Variants in UBE2QL1 observed in about 807,000 individuals in gnomAD.
UBE2QL1 encodes ubiquitin-conjugating enzyme E2Q-like protein 1.
Under a neutral mutation model 12.6 loss-of-function variants are expected in UBE2QL1, and 5 were observed. The observed-to-expected ratio is 0.40, with a 90% confidence interval of 0.21 to 0.83. UBE2QL1 has a LOEUF of 0.83. Among genes scored for constraint, UBE2QL1 ranks in the 40% least tolerant of loss-of-function variants. UBE2QL1 has a pLI of 0.37. For missense variants in UBE2QL1, 99 were observed against 222.6 expected (o/e 0.44, Z 3.53); for synonymous variants, 96 against 94.5 (o/e 1.02, Z -0.10).
In UBE2QL1 at chr5:6,495,956, G is replaced by A. The variant is rs1194270512; in HGVS notation, c.*4607G>A. Reference sequence around the variant, plus strand: ...AGGCAAACAAACTCTGTTGACATTCGGGAAAGCAATAAGTAATGTTAGTTT... The same window carrying A: ...AGGCAAACAAACTCTGTTGACATTCAGGAAAGCAATAAGTAATGTTAGTTT... On this transcript the variant is annotated 3_prime_UTR_variant, in exon 2 of 2. Transcript: ENST00000399816. Among the ~76,000 whole-genome samples, 3 of 152,144 alleles carry A rather than the reference G, an allele frequency of 2.0e-5. No homozygotes were observed. Among genetic ancestry groups the A allele is most frequent in the African/African-American group, 4.8e-5 (2 of 41,414 alleles).
At chr5:6,453,598 C>G (rs1311484198) in intron 1 of UBE2QL1, among the ~76,000 whole-genome samples, 1 of 152,206 alleles carries the variant, frequency 6.6e-6, no homozygotes, top group Non-Finnish European at 1.5e-5. Context: ...GTAAAGGGCT[C>G]TGCAGCTCAG....
At chr5:6,461,543 A>ACCCCCCCCCC (rs71953375) in intron 1 of UBE2QL1, among the ~76,000 whole-genome samples, 7 of 42,196 alleles carry the variant, frequency 1.7e-4, no homozygotes, top group African/African-American at 3.0e-4. Context: ...AGCACCCACC[A>ACCCCCCCCCC]CCCCCCCCCG....
intron 1 of UBE2QL1, among the ~76,000 whole-genome samples, chr5:6,470,218 C>T (rs748830020): frequency 4.6e-5 from 7 of 152,166 alleles, no homozygotes; most frequent in Non-Finnish European, 4.4e-5. Context: ...TCCAGGTGAT[C>T]CATGTGTGTC....
At chr5:6,458,906 C>A (rs1480649356) in intron 1 of UBE2QL1, among the ~76,000 whole-genome samples, 1 of 152,028 alleles carries the variant, frequency 6.6e-6, no homozygotes, top group East Asian at 1.9e-4. Context: ...GGAGGCTGTT[C>A]TTTATCAGAG....
chr5:6,482,019 AGAG>A (rs985608250), intron 1 of UBE2QL1, among the ~76,000 whole-genome samples: 1 of 152,180 alleles, frequency 6.6e-6, no homozygotes, highest in African/African-American at 2.4e-5. Flanking sequence ...CATTGAGTTG[AGAG>A]GAGGTCTTGC....
At chr5:6,462,184 A>G (rs979062279) in intron 1 of UBE2QL1, among the ~76,000 whole-genome samples, 2 of 152,062 alleles carry the variant, frequency 1.3e-5, no homozygotes, top group African/African-American at 4.8e-5. Context: ...GACAATCTCA[A>G]CCTAGGACTC....
Position 6,481,372 on chromosome 5 carries a change from A to T in UBE2QL1, c.355-9846A>T, listed in dbSNP as rs272468. Among the ~76,000 whole-genome samples the T allele has an allele frequency of 0.22, 32,768 of 152,120 alleles. 4,125 individuals are homozygous for T. Among genetic ancestry groups the T allele is most frequent in the South Asian group, 0.36 (1,740 of 4,820 alleles). On this transcript the variant is annotated intron_variant, in intron 1 of 1. Coordinates refer to ENST00000399816, the MANE Select transcript of UBE2QL1 (RefSeq NM_001145161.3). The surrounding 1 kb of genome is among the most constrained non-coding windows in gnomAD (Gnocchi z 4.5). ...CGCCAGGTGCTCATTATCCCCATGC[A>T]GGAGGTGAGGGCGGGTAGTGACATG...
chr5:6,489,623 G>C (rs1303543074), intron 1 of UBE2QL1, among the ~76,000 whole-genome samples: 1 of 152,122 alleles, frequency 6.6e-6, no homozygotes, highest in African/African-American at 2.4e-5. Context: ...GCCTAGGTAG[G>C]CTCCGAATAC....
chr5:6,452,709 T>A lies in UBE2QL1; in HGVS notation c.354+3462T>A, dbSNP rs923292292. The stretch of plus-strand genomic sequence containing the variant: ...TAGCTTAACCTACAAAAACTGCATT[T>A]TCGGACTCTGTAAACCTAGACAAAG... On this transcript the variant is annotated intron_variant, in intron 1 of 1. Coordinates refer to ENST00000399816, the MANE Select transcript of UBE2QL1 (RefSeq NM_001145161.3). 4.6e-5 allele frequency among the ~76,000 whole-genome samples: 7 copies of A among 152,204 alleles called. No homozygotes were observed. In the South Asian group the frequency reaches 1.0e-3, roughly 23 times the overall value.
chr5:6,476,729 A>G lies in UBE2QL1; in HGVS notation c.355-14489A>G, dbSNP rs952736825. 2.6e-5 allele frequency among the ~76,000 whole-genome samples: 4 copies of G among 152,180 alleles called. No homozygotes were observed. Among genetic ancestry groups the G allele is most frequent in the East Asian group, 1.9e-4 (1 of 5,198 alleles). ...CTGGAGTGACCTTTGGTCGTATCAC[A>G]TGAGAGATGCCCACTTGCTAATTAA... is the stretch of plus-strand genomic sequence containing the variant. On this transcript the variant is annotated intron_variant, in intron 1 of 1. Coordinates refer to ENST00000399816, the MANE Select transcript of UBE2QL1 (RefSeq NM_001145161.3). This position sits in a 1 kb window ranked among gnomAD's most constrained non-coding sequence, Gnocchi z 4.9.
At chr5:6,484,972 AG>A (rs1053795632) in intron 1 of UBE2QL1, among the ~76,000 whole-genome samples, 1 of 152,034 alleles carries the variant, frequency 6.6e-6, no homozygotes, top group African/African-American at 2.4e-5. Flanking sequence ...ATTCCACAGC[AG>A]GGAGGCTCAC....
At chr5:6,452,295 C>T (rs1264374459) in intron 1 of UBE2QL1, among the ~76,000 whole-genome samples, 1 of 152,110 alleles carries the variant, frequency 6.6e-6, no homozygotes, top group Non-Finnish European at 1.5e-5. Context: ...CCTGTGTTAC[C>T]AAAATCTCTT....
At chr5:6,484,240 G>C (rs562161125) in intron 1 of UBE2QL1, among the ~76,000 whole-genome samples, 9 of 152,274 alleles carry the variant, frequency 5.9e-5, no homozygotes, top group African/African-American at 1.9e-4. Context: ...GGCGTCGGAG[G>C]GGCAGCGAGC....
At chr5:6,454,408 G>A (rs1372732682) in intron 1 of UBE2QL1, among the ~76,000 whole-genome samples, 1 of 152,076 alleles carries the variant, frequency 6.6e-6, no homozygotes, top group East Asian at 1.9e-4. Context: ...GATTGGATTA[G>A]GGCCCATCCT....
Position 6,448,878 on chromosome 5 carries a change from G to A in UBE2QL1, c.-16G>A, listed in dbSNP as rs1463228205. The A allele has an allele frequency of 6.3e-5, 94 of 1,486,780 alleles. No homozygotes were observed. The highest frequency in any genetic ancestry group is 8.7e-5 in the Admixed American group (4 of 45,872). The allele number at this position is 1,486,780 out of a possible 1,614,324, so 92.1% of individuals were successfully genotyped here. A position where few individuals can be genotyped will look rare whatever the true frequency, so the allele number is the denominator to read the frequency against. On this transcript the variant is annotated 5_prime_UTR_variant, in exon 1 of 2. Transcript: ENST00000399816. Reference sequence around the variant, plus strand: ...CGCGCCAGCAACACTGCACGCAGGTGCGCAGCCGGCGGCTCATGAAGGAGC... The same window carrying A: ...CGCGCCAGCAACACTGCACGCAGGTACGCAGCCGGCGGCTCATGAAGGAGC...
rs142674124 is a variant in UBE2QL1 at position 6,453,797 on chromosome 5, G to A, written c.354+4550G>A. Among the ~76,000 whole-genome samples, 64 of 152,260 alleles carry A rather than the reference G, an allele frequency of 4.2e-4. 1 individual carries two copies. In the East Asian group the frequency reaches 0.012, roughly 29 times the overall value. ...TAGAAATAGCACTTTACTTATGACTGTAAAACCAGCAGTCTCATCAGAAAG... is the reference window on the plus strand; with the variant it reads ...TAGAAATAGCACTTTACTTATGACTATAAAACCAGCAGTCTCATCAGAAAG... On this transcript the variant is annotated intron_variant, in intron 1 of 1. Transcript: ENST00000399816.
chr5:6,472,504 C>CTGCTTTCCTTG (rs1182745122), intron 1 of UBE2QL1, among the ~76,000 whole-genome samples: 5 of 152,186 alleles, frequency 3.3e-5, no homozygotes, highest in Non-Finnish European at 7.4e-5. Context: ...CATCTAACTG[C>CTGCTTTCCTTG]TGCTTTCCTT....
chr5:6,485,901 A>C (rs989344592), intron 1 of UBE2QL1, among the ~76,000 whole-genome samples: 1 of 152,244 alleles, frequency 6.6e-6, no homozygotes, highest in African/African-American at 2.4e-5. Context: ...TAGCTATGTA[A>C]ATGCAATATA....
chr5:6,448,873 C>G lies in UBE2QL1; in HGVS notation c.-21C>G. 6.8e-7 allele frequency: 1 copy of G among 1,478,146 alleles called. No individual in the cohort carries two copies. 91.6% of individuals were successfully genotyped at this position (1,478,146 alleles called of 1,614,324 possible). Reference sequence around the variant, plus strand: ...CGCGGCGCGCCAGCAACACTGCACGCAGGTGCGCAGCCGGCGGCTCATGAA... The same window carrying G: ...CGCGGCGCGCCAGCAACACTGCACGGAGGTGCGCAGCCGGCGGCTCATGAA... On this transcript the variant is annotated 5_prime_UTR_variant, in exon 1 of 2. Coordinates refer to ENST00000399816, the MANE Select transcript of UBE2QL1 (RefSeq NM_001145161.3).
Sources: gnomAD v4.1 joint callset for allele counts (sites outside exome capture counted in the v4.1 genomes callset) on GRCh38, gnomAD v4.1.1 for gene constraint, Gnocchi (gnomAD v3.1) non-coding constraint, MANE v1.5 for transcripts, NCBI Gene and HGNC (gene_info 2026-07-23, HGNC 2026-07-21) for gene names.